The following MBD5 variants were observed in gnomAD, a reference collection of about 807,000 sequenced individuals.
MBD5 encodes methyl-CpG-binding domain protein 5.
Under a neutral mutation model 117.3 loss-of-function variants are expected in MBD5, and 13 were observed. The ratio of observed to expected loss-of-function variants is 0.11; its 90% CI spans 0.07 to 0.18. MBD5 has a LOEUF of 0.18. MBD5 is among the 10% of genes least tolerant of loss of function. The pLI, the probability that MBD5 is intolerant of heterozygous loss-of-function variation, is 1.00. For missense variants in MBD5, 1,879 were observed against 2,093.8 expected, an observed-to-expected ratio of 0.90 and a Z score of 2.00; for synonymous variants, 727 against 766.4, an observed-to-expected ratio of 0.95 and a Z score of 0.85.
intron 4 of MBD5, among the ~76,000 whole-genome samples, chr2:148,363,718 A>C (rs1486178208): frequency 6.6e-6 from 1 of 152,158 alleles, no homozygotes; most frequent in Admixed American, 6.6e-5. Flanking sequence ...TCAATAGCTG[A>C]ATCAATCAAG....
At chr2:148,151,486 T>G (rs1328398788) in intron 1 of MBD5, among the ~76,000 whole-genome samples, 1 of 152,244 alleles carries the variant, frequency 6.6e-6, no homozygotes, top group East Asian at 1.9e-4. Flanking sequence ...TCCCTCTTTT[T>G]CTATTGATTG....
chr2:148,402,864 T>C (rs1559056425), intron 4 of MBD5, among the ~76,000 whole-genome samples: 4 of 152,174 alleles, frequency 2.6e-5, no homozygotes, highest in Non-Finnish European at 5.9e-5. Context: ...GATAGTTGTT[T>C]TTTTTTTCTC....
At chr2:148,267,895 A>G (rs1700893851) in intron 3 of MBD5, among the ~76,000 whole-genome samples, 1 of 148,488 alleles carries the variant, frequency 6.7e-6, no homozygotes, top group Non-Finnish European at 1.5e-5. Flanking sequence ...ATATATTTTT[A>G]GTTGCTATTG....
chr2:148,115,965 TC>T (rs1696627137), intron 1 of MBD5, among the ~76,000 whole-genome samples: 1 of 152,018 alleles, frequency 6.6e-6, no homozygotes. Context: ...TACCTCAGCC[TC>T]CCAAGTAGCT....
rs1200807112 is a variant in MBD5 at position 148,516,276 on chromosome 2, T to G, written c.*3335T>G. ...TTCCCTTGCAAGTCACAAGCATATA[T>G]GCATTAAGATTTTAAAATCTAAGAT... On this transcript the variant is annotated 3_prime_UTR_variant, in exon 14 of 14. Coordinates refer to ENST00000642680, the MANE Select transcript of MBD5 (RefSeq NM_001378120.1). 2 of 152,238 alleles carry G rather than the reference T, an allele frequency of 1.3e-5. No homozygotes were observed. The highest frequency in any genetic ancestry group is 3.8e-4 in the East Asian group (2 of 5,198). The allele number at this position is 152,238 out of a possible 1,614,324, so 9.4% of individuals were successfully genotyped here. A position where few individuals can be genotyped will look rare whatever the true frequency, so the allele number is the denominator to read the frequency against.
chr2:148,507,542 G>A (rs1682071807), intron 12 of MBD5, among the ~76,000 whole-genome samples: 1 of 151,224 alleles, frequency 6.6e-6, no homozygotes, highest in Admixed American at 6.6e-5. Flanking sequence ...GGCAGATCAC[G>A]AGGTCAGGAG....
chr2:148,142,140 C>T (rs935775481), intron 1 of MBD5, among the ~76,000 whole-genome samples: 4 of 151,946 alleles, frequency 2.6e-5, no homozygotes, highest in African/African-American at 9.7e-5. Context: ...AAATGGGAGT[C>T]CCACAAAAGA....
intron 1 of MBD5, among the ~76,000 whole-genome samples, chr2:148,143,455 ATTATC>A (rs1697366309): frequency 6.6e-6 from 1 of 152,154 alleles, no homozygotes; most frequent in African/African-American, 2.4e-5. Flanking sequence ...TCTACATTGT[ATTATC>A]TTGATAAAAA....
intron 1 of MBD5, among the ~76,000 whole-genome samples, chr2:148,032,191 G>A (rs138708338): frequency 1.5e-3 from 226 of 152,086 alleles, no homozygotes; most frequent in African/African-American, 5.2e-3. Context: ...TGACAAACAT[G>A]TGTTGTTACT....
chr2:148,336,096 A>G (rs1702780183), intron 3 of MBD5, among the ~76,000 whole-genome samples: 1 of 152,228 alleles, frequency 6.6e-6, no homozygotes, highest in African/African-American at 2.4e-5. Flanking sequence ...AGAAATTGCA[A>G]TCAGAAAATC....
chr2:148,294,196 GTTTTTTTTTTTT>G (rs60942822), intron 3 of MBD5, among the ~76,000 whole-genome samples: 1 of 127,144 alleles, frequency 7.9e-6, no homozygotes, highest in African/African-American at 3.0e-5. Context: ...CCAGAATGAA[GTTTTTTTTTTTT>G]TTTTTTTTTT....
At chr2:148,187,593 A>G (rs1698697312) in intron 2 of MBD5, among the ~76,000 whole-genome samples, 1 of 152,206 alleles carries the variant, frequency 6.6e-6, no homozygotes, top group South Asian at 2.1e-4. Context: ...CAAAACAAAA[A>G]TGAACTGACT....
intron 4 of MBD5, among the ~76,000 whole-genome samples, chr2:148,452,472 C>T (rs1706757384): frequency 6.6e-6 from 1 of 151,956 alleles, no homozygotes; most frequent in South Asian, 2.1e-4. Flanking sequence ...TGCCCTACAG[C>T]CTGGGCAATG....
At chr2:148,417,288 C>CTT (rs745409695) in intron 4 of MBD5, among the ~76,000 whole-genome samples, 2,251 of 91,590 alleles carry the variant, frequency 0.025, 78 homozygotes, top group African/African-American at 0.08. Context: ...ATGCACAGCT[C>CTT]TTTTTTTTTT....
intron 1 of MBD5, among the ~76,000 whole-genome samples, chr2:148,108,047 A>G (rs1019545188): frequency 6.6e-6 from 1 of 152,076 alleles, no homozygotes. Context: ...TGTGGTTACA[A>G]ATTCTCAGAG....
rs546490533 is a variant in MBD5, at chr2:148,069,517, A to G, written c.-925+47833A>G. Among the ~76,000 whole-genome samples, 4 of 152,260 alleles carry G rather than the reference A, an allele frequency of 2.6e-5. No individual in the cohort carries two copies. In the East Asian group the frequency reaches 7.7e-4, roughly 29 times the overall value. On this transcript the variant is annotated intron_variant, in intron 1 of 13. Transcript: ENST00000642680. ...GCTTTTTTCTAGATTTAACATTTAT[A>G]TTAAATATCATCTTATAGTATGCTA...
rs530191729 is a variant in MBD5 at position 148,126,287 on chromosome 2, C to T, written c.-924-52413C>T. Among the ~76,000 whole-genome samples the T allele has an allele frequency of 3.2e-3, 487 of 151,602 alleles. 3 individuals carry two copies. The highest frequency in any genetic ancestry group is 5.8e-3 in the Non-Finnish European group (394 of 67,914). On this transcript the variant is annotated intron_variant, in intron 1 of 13. Coordinates refer to ENST00000642680, the MANE Select transcript of MBD5 (RefSeq NM_001378120.1). Reference sequence around the variant, plus strand: ...GGGCGTGGTGGTGTGTGCCTCTAGTCCCAGCTACTTGGGGAGGCTGAGGCA... The same window carrying T: ...GGGCGTGGTGGTGTGTGCCTCTAGTTCCAGCTACTTGGGGAGGCTGAGGCA...
chr2:148,296,955 AC>A (rs1344233747), intron 3 of MBD5, among the ~76,000 whole-genome samples: 16 of 136,114 alleles, frequency 1.2e-4, no homozygotes, highest in African/African-American at 4.2e-4. Context: ...GCTCACTGCA[AC>A]CTCCGCATCC....
At position 148,326,992 on chromosome 2, in the gene MBD5, G is replaced by T. The variant is rs916830199; in HGVS notation, c.-679-15222G>T. On this transcript the variant is annotated intron_variant, in intron 3 of 13. Transcript: ENST00000642680. The stretch of plus-strand genomic sequence containing the variant: ...GCTGGTACCGGTTGTTCCTTTCCAT[G>T]TTTAGTGCTTCCTTCAGGAGCTCTT... 2.0e-5 allele frequency among the ~76,000 whole-genome samples: 3 copies of T among 151,772 alleles called. No homozygotes were observed. The East Asian group carries it at 5.8e-4, about 29-fold the overall frequency.
Sources: gnomAD v4.1 joint callset for allele counts (sites outside exome capture counted in the v4.1 genomes callset) on GRCh38, gnomAD v4.1.1 for gene constraint, MANE v1.5 for transcripts, NCBI Gene and HGNC (gene_info 2026-07-23, HGNC 2026-07-21) for gene names.